Variants in GPR149 observed in about 807,000 individuals in gnomAD.
GPR149 encodes G protein-coupled receptor 149.
A neutral mutation model predicts 50.2 loss-of-function variants in GPR149; 50 were observed. That is an observed-to-expected ratio of 1.00 (90% CI 0.79 to 1.26). GPR149 has a LOEUF of 1.26. Among genes scored for constraint, GPR149 ranks in the 50% most tolerant of loss-of-function variants. The pLI is 0.00. For missense variants in GPR149, 983 were observed against 895.4 expected, an observed-to-expected ratio of 1.10 and a Z score of -1.25; for synonymous variants, 405 against 358.2, an observed-to-expected ratio of 1.13 and a Z score of -1.48.
At chr3:154,366,095 C>A (rs1287000511) in intron 3 of GPR149, among the ~76,000 whole-genome samples, 1 of 152,152 alleles carries the variant, frequency 6.6e-6, no homozygotes, top group Admixed American at 6.5e-5. Flanking sequence ...AAATCCTAGG[C>A]CCTCAACCAA....
At chr3:154,409,334 A>G (rs1711776194) in intron 3 of GPR149, among the ~76,000 whole-genome samples, 1 of 152,160 alleles carries the variant, frequency 6.6e-6, no homozygotes, top group Admixed American at 6.5e-5. Flanking sequence ...TAACACCCTG[A>G]AAAGATCATA....
chr3:154,355,159 C>T (rs1201421172), intron 3 of GPR149, among the ~76,000 whole-genome samples: 1 of 152,106 alleles, frequency 6.6e-6, no homozygotes, highest in Non-Finnish European at 1.5e-5. Context: ...TCCTGTGTAG[C>T]TGGGATTACA....
chr3:154,343,072 G>T (rs900284393), intron 3 of GPR149, among the ~76,000 whole-genome samples: 3 of 152,172 alleles, frequency 2.0e-5, no homozygotes, highest in African/African-American at 7.2e-5. Context: ...TGTAAGTTCT[G>T]CCTGGGTAAA....
chr3:154,377,531 T>A (rs565677963), intron 3 of GPR149, among the ~76,000 whole-genome samples: 10 of 152,080 alleles, frequency 6.6e-5, no homozygotes, highest in African/African-American at 2.4e-4. Flanking sequence ...CATGCCTAGC[T>A]AATTTTTGTA....
intron 3 of GPR149, among the ~76,000 whole-genome samples, chr3:154,404,987 A>G (rs1166858697): frequency 6.6e-6 from 1 of 152,208 alleles, no homozygotes; most frequent in Non-Finnish European, 1.5e-5. Context: ...AGAAGGCAAG[A>G]ATGCTTACCA....
intron 2 of GPR149, among the ~76,000 whole-genome samples, chr3:154,424,845 C>T (rs973711493): frequency 6.7e-6 from 1 of 150,278 alleles, no homozygotes; most frequent in South Asian, 2.1e-4. Context: ...AATCATTTTT[C>T]GGAGTAATGT....
At chr3:154,385,999 ACT>A (rs1368917416) in intron 3 of GPR149, among the ~76,000 whole-genome samples, 12 of 151,654 alleles carry the variant, frequency 7.9e-5, no homozygotes, top group Admixed American at 3.3e-4. Context: ...AATTTCTATA[ACT>A]CTCTGACTCT....
chr3:154,345,964 T>C (rs1174576286), intron 3 of GPR149, among the ~76,000 whole-genome samples: 2 of 152,202 alleles, frequency 1.3e-5, no homozygotes, highest in Admixed American at 6.5e-5. Flanking sequence ...GTTTCTTAAC[T>C]CTCAGTTAAG....
In GPR149 at chr3:154,338,290, T is replaced by C; in HGVS notation, c.1624-19A>G. 6.6e-7 allele frequency: 1 copy of C among 1,507,100 alleles called. No homozygotes were observed. 93.4% of individuals were successfully genotyped at this position (1,507,100 alleles called of 1,614,324 possible). A position where few individuals can be genotyped will look rare whatever the true frequency, so the allele number is the denominator to read the frequency against. On this transcript the variant is annotated intron_variant, in intron 3 of 3. Transcript: ENST00000389740. ...CGGAACGCTGGGGACAAAAACAAAA[T>C]TGTTATTGTTGAAAGCTAGGTTCTG...
At chr3:154,380,339 C>A (rs1357682993) in intron 3 of GPR149, among the ~76,000 whole-genome samples, 7 of 152,028 alleles carry the variant, frequency 4.6e-5, no homozygotes, top group East Asian at 3.9e-4. Context: ...CCCTCAAAAT[C>A]AAAAAATTAT....
At chr3:154,374,350 T>G (rs947486604) in intron 3 of GPR149, among the ~76,000 whole-genome samples, 1 of 151,940 alleles carries the variant, frequency 6.6e-6, no homozygotes, top group Admixed American at 6.6e-5. Flanking sequence ...AATTTTTGTA[T>G]TTTTGTAAAG....
chr3:154,429,462 T>C lies in GPR149; in HGVS notation c.154A>G (p.Ile52Val). The stretch of plus-strand genomic sequence containing the variant: ...TTCAGCAGGGAAATTAGTGAATAAA[T>C]GCTGCCCACCAAGGCTGCAAAAGTC... ...LMTFAALVGS[I>V]YSLISLLKMQ... Residue 52 changes from isoleucine to valine, a missense_variant, in exon 1 of 4, where the codon ATT (isoleucine) becomes GTT (valine). Physicochemically the swap from Ile to Val is conservative, Grantham distance 29 (BLOSUM62 3). Coordinates refer to ENST00000389740, the MANE Select transcript of GPR149 (RefSeq NM_001038705.3). The C allele has an allele frequency of 6.2e-7, 1 of 1,614,104 alleles. No individual in the cohort carries two copies. Among genetic ancestry groups the C allele is most frequent in the Non-Finnish European group, 8.5e-7 (1 of 1,180,016 alleles).
chr3:154,378,305 G>A (rs1374043956), intron 3 of GPR149, among the ~76,000 whole-genome samples: 2 of 151,978 alleles, frequency 1.3e-5, no homozygotes, highest in African/African-American at 4.8e-5. Flanking sequence ...TGTTGGCCAG[G>A]CTGGTTTTGA....
Position 154,336,183 on chromosome 3 carries a change from G to A in GPR149, c.*1516C>T, listed in dbSNP as rs964452229. ...GTAATACATATGTTTCCCAAATTTA[G>A]ATAACTAGATATTGAGAAGTTAAAG... On this transcript the variant is annotated 3_prime_UTR_variant, in exon 4 of 4. Transcript: ENST00000389740. 1 of 151,990 alleles carries A rather than the reference G, an allele frequency of 6.6e-6. No individual in the cohort carries two copies. Among genetic ancestry groups the A allele is most frequent in the Non-Finnish European group, 1.5e-5 (1 of 67,920 alleles). 9.4% of individuals were successfully genotyped at this position (151,990 alleles called of 1,614,324 possible). A position where few individuals can be genotyped will look rare whatever the true frequency, so the allele number is the denominator to read the frequency against.
chr3:154,389,705 C>G (rs964511858), intron 3 of GPR149, among the ~76,000 whole-genome samples: 1 of 152,116 alleles, frequency 6.6e-6, no homozygotes, highest in East Asian at 1.9e-4. Context: ...ATCCAATGCT[C>G]TAATATTTTT....
intron 3 of GPR149, among the ~76,000 whole-genome samples, chr3:154,410,534 G>T (rs868557923): frequency 6.6e-6 from 1 of 151,982 alleles, no homozygotes; most frequent in African/African-American, 2.4e-5. Flanking sequence ...GTGAGCAAGA[G>T]TAGCTATTCT....
chr3:154,392,092 TA>T (rs1231132886), intron 3 of GPR149, among the ~76,000 whole-genome samples: 3 of 151,772 alleles, frequency 2.0e-5, no homozygotes, highest in Non-Finnish European at 4.4e-5. Context: ...TCACTTTTAA[TA>T]ATATAACATT....
intron 3 of GPR149, among the ~76,000 whole-genome samples, chr3:154,375,113 T>A (rs1382183546): frequency 1.3e-5 from 2 of 152,170 alleles, no homozygotes; most frequent in Admixed American, 1.3e-4. Context: ...TGCTTCCCTT[T>A]CTTTCATTTT....
chr3:154,379,073 TACTAAAAA>T, intron 3 of GPR149, among the ~76,000 whole-genome samples: 1 of 11,432 alleles, frequency 8.7e-5, no homozygotes. Context: ...ACCCCGTCTC[TACTAAAAA>T]TACAAAAAAT....
Sources: gnomAD v4.1 joint callset for allele counts (sites outside exome capture counted in the v4.1 genomes callset) on GRCh38, gnomAD v4.1.1 for gene constraint, MANE v1.5 for transcripts, NCBI Gene and HGNC (gene_info 2026-07-23, HGNC 2026-07-21) for gene names.